The following DENND1A variants were observed in gnomAD, a reference collection of about 807,000 sequenced individuals.
DENND1A encodes DENN domain-containing protein 1A.
DENND1A carries 51 observed loss-of-function variants against 113.7 expected under a neutral mutation model. The observed-to-expected ratio is 0.45, with a 90% CI of 0.36 to 0.57. DENND1A has a LOEUF of 0.57. Among genes scored for constraint, DENND1A ranks in the 20% least tolerant of loss-of-function variants. DENND1A has a pLI of 0.00. For synonymous variants in DENND1A, 565 were observed against 570.8 expected (o/e 0.99, Z 0.14); for missense variants, 1,258 against 1,395.9 (o/e 0.90, Z 1.57).
chr9:123,741,952 C>G (rs12349171), intron 5 of DENND1A, among the ~76,000 whole-genome samples: 1 of 152,188 alleles, frequency 6.6e-6, no homozygotes, highest in Non-Finnish European at 1.5e-5. Context: ...AGGGATAATT[C>G]TGATGTGTCT....
intron 6 of DENND1A, among the ~76,000 whole-genome samples, chr9:123,674,015 C>A (rs998626506): frequency 6.6e-6 from 1 of 152,096 alleles, no homozygotes; most frequent in Non-Finnish European, 1.5e-5. Flanking sequence ...ATCCAACACA[C>A]CAGCACTGGG....
intron 9 of DENND1A, among the ~76,000 whole-genome samples, chr9:123,636,673 GGAA>G (rs2061719548): frequency 6.6e-6 from 1 of 151,070 alleles, no homozygotes; most frequent in Admixed American, 6.6e-5. Context: ...CACACCATGA[GGAA>G]GAATAGGCAA....
chr9:123,870,524 C>T (rs896304970), intron 2 of DENND1A, among the ~76,000 whole-genome samples: 1 of 151,178 alleles, frequency 6.6e-6, no homozygotes, highest in African/African-American at 2.4e-5. Context: ...GCAATCTCTG[C>T]CTCCCAGGTT....
At chr9:123,728,987 A>C (rs1412587733) in intron 5 of DENND1A, among the ~76,000 whole-genome samples, 1 of 152,238 alleles carries the variant, frequency 6.6e-6, no homozygotes, top group South Asian at 2.1e-4. Context: ...AACGTAATCC[A>C]TCACATAAAC....
chr9:123,542,634 C>G (rs2056371299), intron 13 of DENND1A, among the ~76,000 whole-genome samples: 2 of 152,092 alleles, frequency 1.3e-5, no homozygotes, highest in Non-Finnish European at 2.9e-5. Context: ...TGCAAGGCAC[C>G]AGCGAGAGAT....
At chr9:123,603,239 C>T (rs2060008396) in intron 11 of DENND1A, among the ~76,000 whole-genome samples, 1 of 152,118 alleles carries the variant, frequency 6.6e-6, no homozygotes, top group Non-Finnish European at 1.5e-5. Flanking sequence ...AAAATAGTGC[C>T]AACTCAATTG....
intron 2 of DENND1A, among the ~76,000 whole-genome samples, chr9:123,801,903 T>A (rs1564297486): frequency 6.6e-6 from 1 of 152,186 alleles, no homozygotes; most frequent in Non-Finnish European, 1.5e-5. Context: ...TCCAAATCTT[T>A]CAAAAGATGC....
chr9:123,692,675 CAA>C (rs1276117488), intron 5 of DENND1A, among the ~76,000 whole-genome samples: 1 of 152,134 alleles, frequency 6.6e-6, no homozygotes, highest in Non-Finnish European at 1.5e-5. Context: ...TAAAAGATAG[CAA>C]AGCTAATAAG....
intron 2 of DENND1A, among the ~76,000 whole-genome samples, chr9:123,796,756 T>TAC (rs370185315): frequency 0.042 from 5,960 of 141,552 alleles, 128 homozygotes; most frequent in Middle Eastern, 0.073. Context: ...TATGTGTACA[T>TAC]ACACACACAC....
intron 12 of DENND1A, among the ~76,000 whole-genome samples, chr9:123,571,695 T>G (rs991774832): frequency 6.6e-6 from 1 of 152,230 alleles, no homozygotes; most frequent in Non-Finnish European, 1.5e-5. Context: ...TATTTATCCA[T>G]CTACCATTTG....
At position 123,382,549 on chromosome 9, in the gene DENND1A, A is replaced by C; in HGVS notation, c.2096T>G (p.Leu699Arg). 6.2e-7 allele frequency: 1 copy of C among 1,613,818 alleles called. No homozygotes were observed. Among genetic ancestry groups the C allele is most frequent in the Non-Finnish European group, 8.5e-7 (1 of 1,179,932 alleles). ...ALKLTHPYNK[L>R]WSLGQDDMAI... The stretch of plus-strand genomic sequence containing the variant: ...CATGTCGTCCTGGCCCAGGCTCCAG[A>C]GCTTGTTGTACGGGTGGGTAAGCTT... Residue 699 changes from leucine (L) to arginine (R), a missense_variant, in exon 24 of 24, where the codon CTC (leucine) becomes CGC (arginine). Physicochemically the swap from Leu to Arg is moderately radical, Grantham distance 102 (BLOSUM62 -2). Coordinates refer to ENST00000394215, the MANE Select transcript of DENND1A (RefSeq NM_001352964.2).
At chr9:123,466,268 A>G (rs2048939253) in intron 13 of DENND1A, among the ~76,000 whole-genome samples, 1 of 152,114 alleles carries the variant, frequency 6.6e-6, no homozygotes, top group Admixed American at 6.6e-5. Flanking sequence ...AAATGCTGGG[A>G]TTACAAGCAT....
chr9:123,594,237 T>C (rs2059588924), intron 11 of DENND1A, among the ~76,000 whole-genome samples: 1 of 152,152 alleles, frequency 6.6e-6, no homozygotes, highest in African/African-American at 2.4e-5. Context: ...TCAGGAACTG[T>C]GTGACATGCT....
intron 11 of DENND1A, among the ~76,000 whole-genome samples, chr9:123,591,714 C>G (rs2059463847): frequency 6.6e-6 from 1 of 152,234 alleles, no homozygotes; most frequent in Non-Finnish European, 1.5e-5. Context: ...ACGACTGTGG[C>G]TAGATCCACT....
chr9:123,904,966 G>T (rs563380291), intron 1 of DENND1A, among the ~76,000 whole-genome samples: 4 of 152,206 alleles, frequency 2.6e-5, no homozygotes, highest in Admixed American at 2.6e-4. Flanking sequence ...AGAAAGGTCG[G>T]GTTACCCTCA....
chr9:123,604,467 TAAACATGGTGCCCCGTAC>T (rs1471641835), intron 11 of DENND1A, among the ~76,000 whole-genome samples: 1 of 152,172 alleles, frequency 6.6e-6, no homozygotes, highest in Non-Finnish European at 1.5e-5. Flanking sequence ...GCCCCTAGTA[TAAACATGGTGCCCCGTAC>T]ACAGAAAGCT....
chr9:123,478,820 C>T (rs1382583378), intron 13 of DENND1A, among the ~76,000 whole-genome samples: 1 of 152,194 alleles, frequency 6.6e-6, no homozygotes, highest in African/African-American at 2.4e-5. Context: ...CACAAGGGGA[C>T]ATGAAGAGCC....
intron 21 of DENND1A, among the ~76,000 whole-genome samples, chr9:123,394,684 G>A (rs532034558): frequency 2.0e-5 from 3 of 152,294 alleles, no homozygotes; most frequent in Admixed American, 6.5e-5. Flanking sequence ...GCCCTTCCAC[G>A]ACCACTGGCT....
At chr9:123,761,535 G>T (rs974916724) in intron 4 of DENND1A, among the ~76,000 whole-genome samples, 1 of 152,182 alleles carries the variant, frequency 6.6e-6, no homozygotes, top group Non-Finnish European at 1.5e-5. Context: ...TTCAGGAAAG[G>T]CTAGTCCTCT....
Sources: allele counts gnomAD v4.1 joint callset (sites outside exome capture counted in the v4.1 genomes callset), GRCh38; gene constraint gnomAD v4.1.1; transcripts MANE v1.5; gene names NCBI Gene and HGNC (gene_info 2026-07-23, HGNC 2026-07-21).